The following DLGAP2 variants were observed in gnomAD, a reference collection of about 807,000 sequenced individuals.
DLGAP2 encodes disks large-associated protein 2.
DLGAP2 carries 26 observed loss-of-function variants against 100.3 expected under a neutral mutation model. That is an observed-to-expected ratio of 0.26 (90% CI 0.19 to 0.36). The LOEUF (loss-of-function observed/expected upper bound fraction) is 0.36, where lower values mean the gene tolerates loss of function less well. Among genes scored for constraint, DLGAP2 ranks in the 10% least tolerant of loss-of-function variants. The pLI is 1.00. For missense variants in DLGAP2, 1,858 were observed against 1,453.2 expected (o/e 1.28, Z -4.53); for synonymous variants, 886 against 630.1 (o/e 1.41, Z -6.08).
intron 2 of DLGAP2, among the ~76,000 whole-genome samples, chr8:1,239,459 C>G (rs1360254968): frequency 1.0e-4 from 4 of 40,100 alleles, no homozygotes; most frequent in Admixed American, 2.9e-4. Flanking sequence ...GTCTAGATCT[C>G]TCTCACACAT....
intron 4 of DLGAP2, among the ~76,000 whole-genome samples, chr8:1,513,543 G>C (rs962769412): frequency 6.6e-6 from 1 of 152,212 alleles, no homozygotes; most frequent in Non-Finnish European, 1.5e-5. Flanking sequence ...CTGTGGCATA[G>C]CACCTGCCCA....
intron 3 of DLGAP2, among the ~76,000 whole-genome samples, chr8:1,356,126 C>T (rs1191843611): frequency 3.9e-5 from 6 of 152,176 alleles, no homozygotes; most frequent in South Asian, 2.1e-4. Flanking sequence ...AGTTGACGGA[C>T]GGTTCGTGTG....
At chr8:1,631,137 A>G (rs1243543354) in intron 7 of DLGAP2, among the ~76,000 whole-genome samples, 2 of 151,792 alleles carry the variant, frequency 1.3e-5, no homozygotes, top group African/African-American at 4.8e-5. Flanking sequence ...ACCACTTTTT[A>G]TTTGTTTTGG....
chr8:954,938 A>G (rs1032015637), intron 2 of DLGAP2, among the ~76,000 whole-genome samples: 2 of 152,186 alleles, frequency 1.3e-5, no homozygotes, highest in Non-Finnish European at 2.9e-5. Flanking sequence ...TCCATTTCAA[A>G]TGGTCATCAG....
chr8:1,055,574 A>T (rs1039212438), intron 2 of DLGAP2, among the ~76,000 whole-genome samples: 2 of 152,196 alleles, frequency 1.3e-5, no homozygotes, highest in Non-Finnish European at 2.9e-5. Context: ...AATGTTTTCC[A>T]TCAAATATCT....
chr8:938,321 T>A (rs146301415), intron 2 of DLGAP2, among the ~76,000 whole-genome samples: 524 of 152,288 alleles, frequency 3.4e-3, no homozygotes, highest in Non-Finnish European at 5.3e-3. Flanking sequence ...CCTCCGTCTC[T>A]GGGTAGCTAG....
At chr8:918,396 G>A (rs759160998) in intron 2 of DLGAP2, among the ~76,000 whole-genome samples, 27 of 152,160 alleles carry the variant, frequency 1.8e-4, no homozygotes, top group African/African-American at 6.3e-4. Context: ...AACCTGTGTC[G>A]CTTAGATGGG....
intron 1 of DLGAP2, among the ~76,000 whole-genome samples, chr8:846,833 G>T (rs1396400758): frequency 1.3e-5 from 2 of 152,032 alleles, no homozygotes; most frequent in African/African-American, 4.8e-5. Context: ...TGTAGTTCTG[G>T]TTTGCATTTT....
chr8:1,068,236 G>A (rs1272129880), intron 2 of DLGAP2, among the ~76,000 whole-genome samples: 1 of 152,198 alleles, frequency 6.6e-6, no homozygotes, highest in East Asian at 1.9e-4. Flanking sequence ...TGAGTTTAGG[G>A]AATGATGAAT....
At chr8:1,582,115 C>T (rs1803295784) in intron 6 of DLGAP2, among the ~76,000 whole-genome samples, 1 of 149,974 alleles carries the variant, frequency 6.7e-6, no homozygotes, top group Non-Finnish European at 1.5e-5. Context: ...GTCAAACTAC[C>T]AGAAGTGAAG....
intron 2 of DLGAP2, among the ~76,000 whole-genome samples, chr8:1,236,427 G>C (rs1457660381): frequency 1.4e-4 from 1 of 7,220 alleles, no homozygotes; most frequent in African/African-American, 7.3e-4. Flanking sequence ...GCCATGTCTA[G>C]TTACCTCTCA....
chr8:739,569 T>C (rs919475143), intron 1 of DLGAP2: 1 of 152,232 alleles, frequency 6.6e-6, no homozygotes, highest in Admixed American at 6.5e-5. Context: ...AGGTAATAGA[T>C]AACCAAGGCC....
At chr8:1,367,825 A>G (rs1802142820) in intron 3 of DLGAP2, among the ~76,000 whole-genome samples, 2 of 152,264 alleles carry the variant, frequency 1.3e-5, no homozygotes, top group African/African-American at 4.8e-5. Context: ...TATCACAAAT[A>G]GCAAGTTATT....
At chr8:1,332,765 G>A (rs1277450206) in intron 3 of DLGAP2, among the ~76,000 whole-genome samples, 1 of 152,216 alleles carries the variant, frequency 6.6e-6, no homozygotes, top group Non-Finnish European at 1.5e-5. Context: ...AAGCCATTGA[G>A]GCTGCAGGTA....
chr8:1,681,094 G>T (rs1297351648), intron 12 of DLGAP2, among the ~76,000 whole-genome samples: 2 of 152,170 alleles, frequency 1.3e-5, no homozygotes, highest in African/African-American at 4.8e-5. Context: ...ATGTTTGTTT[G>T]TCAGGGCTTA....
chr8:1,116,716 G>C (rs972609749), intron 2 of DLGAP2, among the ~76,000 whole-genome samples: 1 of 152,082 alleles, frequency 6.6e-6, no homozygotes, highest in African/African-American at 2.4e-5. Flanking sequence ...TGGAAGGATT[G>C]CCTGAGTTCA....
intron 2 of DLGAP2, among the ~76,000 whole-genome samples, chr8:1,194,187 G>A (rs11777892): frequency 2.0e-5 from 3 of 151,866 alleles, no homozygotes; most frequent in South Asian, 2.1e-4. Flanking sequence ...AGAAACTGCC[G>A]CCTGTGGGAG....
chr8:1,351,248 C>A (rs373636213), intron 3 of DLGAP2, among the ~76,000 whole-genome samples: 1 of 42,838 alleles, frequency 2.3e-5, no homozygotes. Context: ...CGGGTCCTGA[C>A]TGTGTGTGGA....
At chr8:1,034,024 G>T (rs1802058140) in intron 2 of DLGAP2, among the ~76,000 whole-genome samples, 2 of 132,626 alleles carry the variant, frequency 1.5e-5, no homozygotes, top group Non-Finnish European at 3.2e-5. Context: ...ACCGCGAGTG[G>T]ATTCACACGC....
Sources: allele counts gnomAD v4.1 joint callset (sites outside exome capture counted in the v4.1 genomes callset), GRCh38; gene constraint gnomAD v4.1.1; transcripts MANE v1.5; gene names NCBI Gene and HGNC (gene_info 2026-07-23, HGNC 2026-07-21).